The following SLC47A2 variants were observed in gnomAD, a reference collection of about 807,000 sequenced individuals.
The protein encoded by SLC47A2 is solute carrier family 47 member 2, also known as multidrug and toxin extrusion protein 2.
A neutral mutation model predicts 67.7 loss-of-function variants in SLC47A2; 52 were observed. The observed-to-expected ratio is 0.77, with a 90% confidence interval of 0.61 to 0.97. SLC47A2 has a LOEUF of 0.97. SLC47A2 is among the 50% of genes least tolerant of loss of function. The probability of loss-of-function intolerance (pLI) is 0.00; values close to 1 mark genes in which losing one functional copy is unlikely to be tolerated. For synonymous variants in SLC47A2, 278 were observed against 292.9 expected, an observed-to-expected ratio of 0.95 and a Z score of 0.52; for missense variants, 676 against 712.3, an observed-to-expected ratio of 0.95 and a Z score of 0.58.
intron 13 of SLC47A2, among the ~76,000 whole-genome samples, chr17:19,687,563 A>C (rs1227808728): frequency 6.6e-6 from 1 of 152,136 alleles, no homozygotes; most frequent in African/African-American, 2.4e-5. Context: ...ATGAAATGAA[A>C]AGTTGTTTTT....
intron 3 of SLC47A2, 95 bp from the exon 4 acceptor site, chr17:19,714,068 T>G (rs1346001369): frequency 6.7e-7 from 1 of 1,489,108 alleles, no homozygotes; most frequent in Non-Finnish European, 8.9e-7. Flanking sequence ...GCCAGCGGTG[T>G]GTGGCGGACC....
At chr17:19,701,381 G>C (rs979457857) in intron 13 of SLC47A2, among the ~76,000 whole-genome samples, 9 of 152,126 alleles carry the variant, frequency 5.9e-5, no homozygotes, top group Non-Finnish European at 1.0e-4. Flanking sequence ...AGAATAGTTA[G>C]CGAACTGGAT....
chr17:19,701,858 C>A (rs2085794082), intron 13 of SLC47A2, among the ~76,000 whole-genome samples: 1 of 152,132 alleles, frequency 6.6e-6, no homozygotes, highest in African/African-American at 2.4e-5. Flanking sequence ...CTTCCTCTGG[C>A]CCAGGCTAGT....
intron 3 of SLC47A2, chr17:19,714,341 T>G (rs2086191506): frequency 2.5e-6 from 1 of 404,044 alleles, no homozygotes; most frequent in Non-Finnish European, 4.5e-6. Context: ...CCTGCTGGAC[T>G]GCAGGCCCCT....
At chr17:19,683,570 C>A (rs1410496540) in intron 13 of SLC47A2, among the ~76,000 whole-genome samples, 1 of 152,072 alleles carries the variant, frequency 6.6e-6, no homozygotes. Flanking sequence ...TCTACATATC[C>A]CAAGCTGACC....
At chr17:19,707,983 A>G in intron 7 of SLC47A2, 140 bp from the exon 8 acceptor site, 2 of 848,108 alleles carry the variant, frequency 2.4e-6, no homozygotes, top group South Asian at 1.7e-5. Flanking sequence ...ATCAGACTCA[A>G]CCAGGGCCCA....
intron 3 of SLC47A2, 100 bp from the exon 4 acceptor site, chr17:19,714,073 C>T (rs971709470): frequency 1.4e-5 from 21 of 1,465,256 alleles, no homozygotes; most frequent in Middle Eastern, 2.4e-4. Context: ...CGGTGTGTGG[C>T]GGACCCGGCG....
At chr17:19,713,408 A>G (rs1257861636) in intron 4 of SLC47A2, among the ~76,000 whole-genome samples, 1 of 144,058 alleles carries the variant, frequency 6.9e-6, no homozygotes, top group East Asian at 1.9e-4. Context: ...AATAATAATA[A>G]TAATAATCAT....
intron 13 of SLC47A2, among the ~76,000 whole-genome samples, chr17:19,696,477 A>G (rs1015600345): frequency 1.2e-4 from 16 of 134,152 alleles, no homozygotes; most frequent in Non-Finnish European, 6.1e-5. Flanking sequence ...AAAAAAAAAA[A>G]ATAGAGAGAA....
rs1024893235 is a variant in SLC47A2 at position 19,702,649 on chromosome 17, C to T, written c.1120G>A (p.Val374Ile). The stretch of plus-strand genomic sequence containing the variant: ...TGAAAGACACTATAAACCGGCAAGA[C>T]CTGGCTCACCAGGGCAATGACATCT... ...DEDVIALVSQ[V>I]LPVYSVFHVF... Residue 374 changes from valine (V) to isoleucine (I), a missense_variant, in exon 13 of 17, where the codon GTC (valine) becomes ATC (isoleucine). Physicochemically the swap from Val to Ile is conservative, Grantham distance 29 (BLOSUM62 3). Transcript: ENST00000433844. The T allele has an allele frequency of 6.2e-7, 1 of 1,614,050 alleles. No individual in the cohort carries two copies. Among genetic ancestry groups the T allele is most frequent in the African/African-American group, 1.3e-5 (1 of 75,042 alleles).
chr17:19,693,729 C>T (rs982986443), intron 13 of SLC47A2, among the ~76,000 whole-genome samples: 6 of 152,126 alleles, frequency 3.9e-5, no homozygotes, highest in African/African-American at 7.2e-5. Context: ...ACTTGGGAGG[C>T]GGAGCTTGCA....
intron 1 of SLC47A2, chr17:19,716,102 G>A (rs140752246): frequency 9.3e-4 from 271 of 290,736 alleles, no homozygotes; most frequent in African/African-American, 5.4e-3. Context: ...CCCTGCGAAG[G>A]TGCTGCAGGC....
chr17:19,714,916 G>A, intron 2 of SLC47A2, 127 bp from the exon 3 acceptor site: 1 of 1,382,750 alleles, frequency 7.2e-7, no homozygotes. Flanking sequence ...GCTCTGCTCA[G>A]CAGCCTCATG....
chr17:19,707,680 G>A (rs1295856275), intron 8 of SLC47A2, 66 bp downstream of exon 8: 9 of 1,415,840 alleles, frequency 6.4e-6, no homozygotes, highest in Non-Finnish European at 6.8e-6. Flanking sequence ...TGACCACCCT[G>A]CCCCAAGGCT....
chr17:19,690,713 C>T (rs761623735), intron 13 of SLC47A2, among the ~76,000 whole-genome samples: 7 of 152,128 alleles, frequency 4.6e-5, no homozygotes, highest in African/African-American at 7.2e-5. Context: ...CATCACTGAT[C>T]GTTAGAGAAA....
At chr17:19,714,621 A>G in intron 3 of SLC47A2, 100 bp downstream of exon 3, 2 of 1,414,896 alleles carry the variant, frequency 1.4e-6, no homozygotes, top group Non-Finnish European at 2.0e-6. Flanking sequence ...TTGCTCCCAG[A>G]TCACCTGGCT....
intron 13 of SLC47A2, among the ~76,000 whole-genome samples, chr17:19,684,717 AGTT>A: frequency 6.6e-6 from 1 of 151,994 alleles, no homozygotes; most frequent in East Asian, 1.9e-4. Context: ...AAAAATTAAA[AGTT>A]AAAAAATAAA....
At chr17:19,703,219 C>T (rs1325693850) in intron 11 of SLC47A2, 52 bp from the exon 12 acceptor site, 2 of 1,559,874 alleles carry the variant, frequency 1.3e-6, no homozygotes, top group Non-Finnish European at 1.8e-6. Context: ...AGGAAGCACC[C>T]TTGCTCAGAT....
chr17:19,682,330 C>CACAA (rs879612047), intron 13 of SLC47A2, among the ~76,000 whole-genome samples: 1,002 of 25,766 alleles, frequency 0.039, 52 homozygotes, highest in Admixed American at 0.31. Flanking sequence ...GAGACTTGGT[C>CACAA]ACACACACAC....
Sources: gnomAD v4.1 joint callset for allele counts (sites outside exome capture counted in the v4.1 genomes callset) on GRCh38, gnomAD v4.1.1 for gene constraint, MANE v1.5 for transcripts, NCBI Gene and HGNC (gene_info 2026-07-23, HGNC 2026-07-21) for gene names.